Variants in VPS41 observed in about 807,000 individuals in gnomAD.
VPS41 encodes VPS41 subunit of HOPS complex.
Under a neutral mutation model 130.9 loss-of-function variants are expected in VPS41, and 85 were observed. The ratio of observed to expected loss-of-function variants is 0.65; its 90% CI spans 0.55 to 0.78. The LOEUF is 0.78. Ranked by LOEUF, VPS41 falls within the 30% of genes least tolerant of loss-of-function variation. The pLI is 0.00. For missense variants in VPS41, 874 were observed against 1,018.7 expected, an observed-to-expected ratio of 0.86 and a Z score of 1.93; for synonymous variants, 335 against 332.9, an observed-to-expected ratio of 1.01 and a Z score of -0.07.
chr7:38,740,919 C>A (rs918488748), intron 25 of VPS41, among the ~76,000 whole-genome samples: 3 of 152,158 alleles, frequency 2.0e-5, no homozygotes, highest in Non-Finnish European at 4.4e-5. Flanking sequence ...TTTTTGAACA[C>A]GTATACACCA....
chr7:38,854,709 A>G (rs1359523923), intron 4 of VPS41, among the ~76,000 whole-genome samples: 3 of 152,214 alleles, frequency 2.0e-5, no homozygotes, highest in Non-Finnish European at 4.4e-5. Context: ...TCTTATTTCT[A>G]TCAGTTCACC....
chr7:38,841,792 T>C (rs1452850704), intron 4 of VPS41, among the ~76,000 whole-genome samples: 2 of 152,132 alleles, frequency 1.3e-5, no homozygotes, highest in East Asian at 1.9e-4. Context: ...TTAGTAGAGA[T>C]AGGGTTTCAC....
intron 22 of VPS41, among the ~76,000 whole-genome samples, chr7:38,750,118 C>T (rs1796064032): frequency 6.6e-6 from 1 of 152,192 alleles, no homozygotes; most frequent in Non-Finnish European, 1.5e-5. Context: ...TTCCCACCCT[C>T]AGCTTCCCAA....
chr7:38,781,127 G>T (rs1784347717), intron 10 of VPS41, among the ~76,000 whole-genome samples: 1 of 152,094 alleles, frequency 6.6e-6, no homozygotes, highest in Admixed American at 6.5e-5. Context: ...AGGAATGCAA[G>T]AATGGACTAC....
At chr7:38,890,875 G>A (rs191685261) in intron 2 of VPS41, among the ~76,000 whole-genome samples, 34 of 151,950 alleles carry the variant, frequency 2.2e-4, no homozygotes, top group Non-Finnish European at 4.1e-4. Flanking sequence ...TTGTAGAGAC[G>A]GGGTCTCACT....
intron 24 of VPS41, among the ~76,000 whole-genome samples, chr7:38,742,408 T>A (rs911356589): frequency 1.3e-5 from 2 of 152,242 alleles, no homozygotes; most frequent in African/African-American, 2.4e-5. Context: ...GTTTTTAGCA[T>A]CAAATGGGTG....
In VPS41 at chr7:38,830,252, ACCTTGCCAT is replaced by A. The variant is rs1411084844; in HGVS notation, c.314_321+1del. The A allele has an allele frequency of 6.2e-7, 1 of 1,608,212 alleles. No individual in the cohort carries two copies. Among genetic ancestry groups the A allele is most frequent in the Non-Finnish European group, 8.5e-7 (1 of 1,174,534 alleles). ...CTCTGCATGACCACATCTTTGCCAT[ACCTTGCCAT>A]CCTCTGAACACACACCCATGTGCTC... On this transcript the variant is annotated splice_donor_variant and coding_sequence_variant, in exon 5 of 29. Transcript: ENST00000310301. LOFTEE classifies it high-confidence loss of function.
intron 10 of VPS41, among the ~76,000 whole-genome samples, chr7:38,777,603 C>T (rs756684353): frequency 2.0e-5 from 3 of 152,178 alleles, no homozygotes; most frequent in Non-Finnish European, 4.4e-5. Flanking sequence ...AGTGGTATTA[C>T]AGAGATCCTT....
rs376260388 is a variant in VPS41, at chr7:38,808,750, C to A, written c.450+9067G>T. Among the ~76,000 whole-genome samples, 111 of 152,308 alleles carry A rather than the reference C, an allele frequency of 7.3e-4. 4 individuals carry two copies. In the South Asian group the frequency reaches 0.023, roughly 31 times the overall value. On this transcript the variant is annotated intron_variant, in intron 7 of 28. Transcript: ENST00000310301. ...ACACTGGACAGGAGACAGAGAGGAACTGCTAATGTCAAAACCCTTCTAGCC... is the reference window on the plus strand; with the variant it reads ...ACACTGGACAGGAGACAGAGAGGAAATGCTAATGTCAAAACCCTTCTAGCC...
intron 17 of VPS41, among the ~76,000 whole-genome samples, chr7:38,760,659 A>G (rs1015930746): frequency 3.3e-5 from 5 of 152,074 alleles, no homozygotes; most frequent in Non-Finnish European, 7.4e-5. Flanking sequence ...TGGAAAAAGC[A>G]CAGGACACAG....
intron 23 of VPS41, among the ~76,000 whole-genome samples, chr7:38,744,368 C>T (rs1394378868): frequency 6.6e-6 from 1 of 152,140 alleles, no homozygotes; most frequent in African/African-American, 2.4e-5. Context: ...GAATCCTTCC[C>T]CCTGCACACG....
Position 38,724,176 on chromosome 7 carries a change from A to C in VPS41, c.*2070T>G, listed in dbSNP as rs899416441. 1 of 152,186 alleles carries C rather than the reference A, an allele frequency of 6.6e-6. No homozygotes were observed. The highest frequency in any genetic ancestry group is 2.4e-5 in the African/African-American group (1 of 41,436). 9.4% of individuals were successfully genotyped at this position (152,186 alleles called of 1,614,324 possible). A position where few individuals can be genotyped will look rare whatever the true frequency, so the allele number is the denominator to read the frequency against. On this transcript the variant is annotated 3_prime_UTR_variant, in exon 29 of 29. Coordinates refer to ENST00000310301, the MANE Select transcript of VPS41 (RefSeq NM_014396.4). ...TAAGTAGGATTTTCTTTATGTCCAA[A>C]TAGGACTTGGTAACTAGGATAATTT...
At chr7:38,745,645 T>A (rs377119397) in intron 22 of VPS41, 32 bp from the exon 23 acceptor site, 1 of 1,536,262 alleles carries the variant, frequency 6.5e-7, no homozygotes, top group Non-Finnish European at 8.9e-7. Flanking sequence ...AATGTTACTA[T>A]AGGCGACCAA....
At chr7:38,875,675 C>A (rs979217892) in intron 2 of VPS41, among the ~76,000 whole-genome samples, 2 of 152,134 alleles carry the variant, frequency 1.3e-5, no homozygotes, top group Non-Finnish European at 2.9e-5. Flanking sequence ...ATAGCTGCCT[C>A]AATGACCAAA....
intron 16 of VPS41, among the ~76,000 whole-genome samples, chr7:38,764,507 A>G (rs1783990775): frequency 6.6e-6 from 1 of 152,146 alleles, no homozygotes; most frequent in Admixed American, 6.5e-5. Flanking sequence ...TTTTATGCAG[A>G]TAACTCTGGG....
chr7:38,800,289 C>G (rs114790503), intron 7 of VPS41, among the ~76,000 whole-genome samples: 3,203 of 152,214 alleles, frequency 0.021, 46 homozygotes, highest in African/African-American at 0.042. Context: ...GTATTCAATA[C>G]AATGTCCTTA....
At chr7:38,825,512 G>C (rs1785254203) in intron 5 of VPS41, among the ~76,000 whole-genome samples, 1 of 151,816 alleles carries the variant, frequency 6.6e-6, no homozygotes, top group African/African-American at 2.4e-5. Flanking sequence ...ATCTGTAAAG[G>C]GAATCCCTCC....
intron 22 of VPS41, 66 bp from the exon 23 acceptor site, chr7:38,745,679 C>A: frequency 8.2e-7 from 1 of 1,225,902 alleles, no homozygotes; most frequent in South Asian, 1.3e-5. Context: ...GTAATAAAGT[C>A]ATTTAAACTT....
chr7:38,746,747 GA>G (rs1441385132), intron 22 of VPS41, among the ~76,000 whole-genome samples: 1 of 152,072 alleles, frequency 6.6e-6, no homozygotes, highest in East Asian at 1.9e-4. Flanking sequence ...TCTCTACCAC[GA>G]CTTACAAGGC....
Sources: gnomAD v4.1 joint callset for allele counts (sites outside exome capture counted in the v4.1 genomes callset) on GRCh38, gnomAD v4.1.1 for gene constraint, MANE v1.5 for transcripts, NCBI Gene and HGNC (gene_info 2026-07-23, HGNC 2026-07-21) for gene names.